SORCS2: variants seen among roughly 807,000 people sequenced by gnomAD.
SORCS2 encodes sortilin related VPS10 domain containing receptor 2.
SORCS2 carries 100 observed loss-of-function variants against 141.6 expected under a neutral mutation model. The observed-to-expected ratio is 0.71, with a 90% CI of 0.60 to 0.83. SORCS2 has a LOEUF of 0.83. SORCS2 is among the 40% of genes least tolerant of loss of function. The pLI is 0.00. For synonymous variants in SORCS2, 789 were observed against 676.9 expected (o/e 1.17, Z -2.57); for missense variants, 1,646 against 1,560.2 (o/e 1.05, Z -0.93).
In SORCS2 at chr4:7,403,998, T is replaced by TATATATATATATA. The variant is rs59841056; in HGVS notation, c.548+7643_548+7644insATATATATATATA. Among the ~76,000 whole-genome samples, 122 of 12,210 alleles carry TATATATATATATA rather than the reference T, an allele frequency of 1.0e-2. 2 individuals are homozygous for TATATATATATATA. Among genetic ancestry groups the TATATATATATATA allele is most frequent in the Admixed American group, 0.016 (12 of 748 alleles). The allele number at this position is 12,210 out of a possible 152,430, so 8.0% of individuals were successfully genotyped here. On this transcript the variant is annotated intron_variant, in intron 2 of 26. Transcript: ENST00000507866. ...ATATATATATATATATATATATATA[T>TATATATATATATA]TTTTTTTTTTTTTTTAGTATCCATT... is the stretch of plus-strand genomic sequence containing the variant.
chr4:7,371,975 T>C (rs1439808579), intron 1 of SORCS2, among the ~76,000 whole-genome samples: 1 of 152,132 alleles, frequency 6.6e-6, no homozygotes, highest in African/African-American at 2.4e-5. Context: ...TGAGGGAAGA[T>C]GCCTATCCTG....
intron 1 of SORCS2, among the ~76,000 whole-genome samples, chr4:7,333,028 C>T (rs1279920460): frequency 6.6e-6 from 1 of 152,234 alleles, no homozygotes; most frequent in African/African-American, 2.4e-5. Context: ...GGAACAGGCT[C>T]CTGGGGGCTG....
intron 2 of SORCS2, among the ~76,000 whole-genome samples, chr4:7,525,849 G>GCAGTCCCCTGTCCCCTCCT (rs1733646393): frequency 1.9e-5 from 1 of 51,662 alleles, no homozygotes; most frequent in Non-Finnish European, 3.5e-5. Flanking sequence ...GGGCCCTCCT[G>GCAGTCCCCTGTCCCCTCCT]CAGTCACCTG....
At chr4:7,330,705 C>T (rs998516739) in intron 1 of SORCS2, among the ~76,000 whole-genome samples, 2 of 152,066 alleles carry the variant, frequency 1.3e-5, no homozygotes, top group African/African-American at 2.4e-5. Context: ...CTTGGAACTT[C>T]GCACCTGCCC....
intron 2 of SORCS2, among the ~76,000 whole-genome samples, chr4:7,470,063 G>A (rs193269865): frequency 1.6e-4 from 24 of 152,314 alleles, no homozygotes; most frequent in Admixed American, 9.8e-4. Context: ...AAGGGAAAAC[G>A]CTCCTCCCTC....
At chr4:7,680,318 C>G (rs1577067713) in intron 9 of SORCS2, among the ~76,000 whole-genome samples, 1 of 152,358 alleles carries the variant, frequency 6.6e-6, no homozygotes, top group African/African-American at 2.4e-5. Context: ...CCTCTCCCAG[C>G]CGCCGGCAGC....
intron 3 of SORCS2, among the ~76,000 whole-genome samples, chr4:7,562,672 G>T (rs1039357554): frequency 6.6e-6 from 1 of 152,162 alleles, no homozygotes. Flanking sequence ...TAACAGAAAC[G>T]TATTCTCACA....
intron 11 of SORCS2, among the ~76,000 whole-genome samples, chr4:7,694,248 A>T (rs1724451740): frequency 6.6e-6 from 1 of 152,100 alleles, no homozygotes; most frequent in African/African-American, 2.4e-5. Flanking sequence ...AGGAGGCCCA[A>T]AGAGACACCA....
intron 2 of SORCS2, chr4:7,433,716 G>A (rs6843370): frequency 0.15 from 239,116 of 1,612,862 alleles, 18,938 homozygotes; most frequent in Non-Finnish European, 0.16. Context: ...GGTTCTCCGC[G>A]TCCCACTCTG....
intron 3 of SORCS2, among the ~76,000 whole-genome samples, chr4:7,589,332 A>G (rs7683873): frequency 6.6e-6 from 1 of 152,132 alleles, no homozygotes; most frequent in Non-Finnish European, 1.5e-5. Context: ...CGATGATACC[A>G]ACAGCAGCAG....
intron 2 of SORCS2, chr4:7,433,824 G>C: frequency 6.2e-7 from 1 of 1,613,798 alleles, no homozygotes; most frequent in Non-Finnish European, 8.5e-7. Context: ...GGGTGATTTT[G>C]GCCACAAGCT....
chr4:7,235,261 C>G lies in SORCS2; in HGVS notation c.480+42135C>G, dbSNP rs554132821. 9.2e-5 allele frequency among the ~76,000 whole-genome samples: 14 copies of G among 152,352 alleles called. No homozygotes were observed. The East Asian group carries it at 2.5e-3, about 27-fold the overall frequency. On this transcript the variant is annotated intron_variant, in intron 1 of 26. Coordinates refer to ENST00000507866, the MANE Select transcript of SORCS2 (RefSeq NM_020777.3). The stretch of plus-strand genomic sequence containing the variant: ...GTTAGTACCCCACCCTTCTGCTGCC[C>G]GCGCCAGGCTCAGCTGAGGCAGGGA...
At chr4:7,484,974 C>CT (rs77843028) in intron 2 of SORCS2, among the ~76,000 whole-genome samples, 1 of 152,136 alleles carries the variant, frequency 6.6e-6, no homozygotes, top group African/African-American at 2.4e-5. Flanking sequence ...CCTGCTGTCC[C>CT]GGCCCTCCCC....
At chr4:7,283,792 G>A (rs1716034393) in intron 1 of SORCS2, among the ~76,000 whole-genome samples, 1 of 152,066 alleles carries the variant, frequency 6.6e-6, no homozygotes, top group South Asian at 2.1e-4. Flanking sequence ...CAGGTGAGGG[G>A]GTCCTGGGGA....
At chr4:7,679,034 A>G (rs1373462209) in intron 9 of SORCS2, among the ~76,000 whole-genome samples, 1 of 152,222 alleles carries the variant, frequency 6.6e-6, no homozygotes, top group African/African-American at 2.4e-5. Context: ...TCTGGGGATC[A>G]GGGATAATTC....
At chr4:7,226,064 C>T (rs553307735) in intron 1 of SORCS2, among the ~76,000 whole-genome samples, 5 of 152,134 alleles carry the variant, frequency 3.3e-5, no homozygotes, top group Non-Finnish European at 7.4e-5. Context: ...AACGTGGCTC[C>T]GGAGGGTCTG....
At chr4:7,716,209 T>C (rs541322557) in intron 17 of SORCS2, among the ~76,000 whole-genome samples, 33 of 152,350 alleles carry the variant, frequency 2.2e-4, no homozygotes, top group Non-Finnish European at 4.0e-4. Flanking sequence ...AGAAAAGCCC[T>C]TGGGCTTGTT....
intron 2 of SORCS2, among the ~76,000 whole-genome samples, chr4:7,409,968 C>T (rs1725199076): frequency 1.3e-5 from 2 of 152,194 alleles, no homozygotes; most frequent in African/African-American, 4.8e-5. Flanking sequence ...TGAATGCAGT[C>T]TGAGGAATTT....
intron 1 of SORCS2, among the ~76,000 whole-genome samples, chr4:7,354,162 A>G (rs957541520): frequency 1.3e-5 from 2 of 152,086 alleles, no homozygotes. Flanking sequence ...TGACCTTGGA[A>G]AGAGTCCCTG....
Sources: allele counts gnomAD v4.1 joint callset (sites outside exome capture counted in the v4.1 genomes callset), GRCh38; gene constraint gnomAD v4.1.1; transcripts MANE v1.5; gene names NCBI Gene and HGNC (gene_info 2026-07-23, HGNC 2026-07-21).